FBXO34: variants seen among roughly 807,000 people sequenced by gnomAD.
The protein encoded by FBXO34 is F-box protein 34.
Under a neutral mutation model 24.5 loss-of-function variants are expected in FBXO34, and 12 were observed. The observed-to-expected ratio is 0.49, with a 90% CI of 0.31 to 0.79. FBXO34 has a LOEUF of 0.79. FBXO34 is among the 30% of genes least tolerant of loss of function. The pLI, the probability that FBXO34 is intolerant of heterozygous loss-of-function variation, is 0.04. For missense variants in FBXO34, 823 were observed against 857.7 expected (o/e 0.96, Z 0.51); for synonymous variants, 320 against 311.9 (o/e 1.03, Z -0.27).
chr14:55,362,432 G>A (rs1884605169), downstream of FBXO34, among the ~76,000 whole-genome samples: 1 of 152,154 alleles, frequency 6.6e-6, no homozygotes, highest in Non-Finnish European at 1.5e-5. Flanking sequence ...TGGAAAAATG[G>A]CGCTGATGAC....
chr14:55,296,775 A>G (rs1000445991), intron 1 of FBXO34, among the ~76,000 whole-genome samples: 2 of 152,144 alleles, frequency 1.3e-5, no homozygotes, highest in Non-Finnish European at 2.9e-5. Flanking sequence ...TCCCCTACCT[A>G]CTATAGAAAG....
rs558348798 is a variant in FBXO34, at chr14:55,293,613, T to A, written c.-11+22076T>A. ...TGTAAATCTCTGCTTTTTTTTTTTT[T>A]AAATCAATGAAGGCTTAATAAGCCA... On this transcript the variant is annotated intron_variant, in intron 1 of 1. Coordinates refer to ENST00000313833, the MANE Select transcript of FBXO34 (RefSeq NM_017943.4). 2.3e-3 allele frequency among the ~76,000 whole-genome samples: 356 copies of A among 152,104 alleles called. 1 individual carries two copies. The highest frequency in any genetic ancestry group is 3.9e-3 in the Non-Finnish European group (263 of 67,998).
At chr14:55,324,621 T>G (rs542397363) in intron 1 of FBXO34, among the ~76,000 whole-genome samples, 1 of 152,180 alleles carries the variant, frequency 6.6e-6, no homozygotes, top group Admixed American at 6.5e-5. Flanking sequence ...GATTTTTTTT[T>G]CTCAGTAATA....
At chr14:55,369,352 A>C (rs1466711862), downstream of FBXO34, 1 of 278,668 alleles carries the variant, frequency 3.6e-6, no homozygotes, top group African/African-American at 2.2e-5. Flanking sequence ...AACTGGCCAC[A>C]CGCACAGGTC....
the FBXO34 span, among the ~76,000 whole-genome samples, chr14:55,400,408 C>T: frequency 6.6e-6 from 1 of 152,120 alleles, no homozygotes; most frequent in Non-Finnish European, 1.5e-5. Flanking sequence ...TCTCTTTTTC[C>T]ATGCCAGAAC....
At chr14:55,304,200 T>G (rs1882460664) in intron 1 of FBXO34, among the ~76,000 whole-genome samples, 1 of 152,218 alleles carries the variant, frequency 6.6e-6, no homozygotes, top group African/African-American at 2.4e-5. Context: ...ATTTCTATCA[T>G]TAAAAACAGT....
chr14:55,372,799 C>T (rs1247570050), downstream of FBXO34, among the ~76,000 whole-genome samples: 1 of 152,052 alleles, frequency 6.6e-6, no homozygotes, highest in Non-Finnish European at 1.5e-5. Context: ...TTAGTTTTCC[C>T]AGGAGACAGG....
intron 1 of FBXO34, among the ~76,000 whole-genome samples, chr14:55,305,792 C>T (rs1172410377): frequency 6.6e-6 from 1 of 152,132 alleles, no homozygotes; most frequent in East Asian, 1.9e-4. Flanking sequence ...TTTTCCCGAT[C>T]TGAATTTTAT....
At chr14:55,440,648 C>G in the FBXO34 span, 1 of 1,314,122 alleles carries the variant, frequency 7.6e-7, no homozygotes, top group Non-Finnish European at 1.0e-6. Context: ...GATGCGGAAC[C>G]CAGCTACCGG....
chr14:55,435,787 A>T, the FBXO34 span: 10 of 1,246,108 alleles, frequency 8.0e-6, no homozygotes, highest in East Asian at 2.6e-4. Flanking sequence ...TCATGATCAT[A>T]TTAAGAAAAG....
At chr14:55,339,825 C>G (rs1382452257) in intron 1 of FBXO34, among the ~76,000 whole-genome samples, 2 of 152,118 alleles carry the variant, frequency 1.3e-5, no homozygotes, top group Non-Finnish European at 2.9e-5. Flanking sequence ...ATACCTTAAC[C>G]AGCCAGTGCA....
chr14:55,414,564 T>G, the FBXO34 span: 1 of 735,592 alleles, frequency 1.4e-6, no homozygotes, highest in Non-Finnish European at 2.1e-6. Context: ...ATGACATCTC[T>G]TTAGCTGTAC....
intron 1 of FBXO34, among the ~76,000 whole-genome samples, chr14:55,335,593 A>G (rs1053624121): frequency 6.6e-6 from 1 of 151,900 alleles, no homozygotes; most frequent in African/African-American, 2.4e-5. Flanking sequence ...TGACTATTTG[A>G]CTGTTTGTTA....
At chr14:55,297,699 G>T (rs1211240268) in intron 1 of FBXO34, among the ~76,000 whole-genome samples, 2 of 152,130 alleles carry the variant, frequency 1.3e-5, no homozygotes, top group African/African-American at 4.8e-5. Context: ...GTATATCTAT[G>T]TGTATGTGCA....
intron 1 of FBXO34, among the ~76,000 whole-genome samples, chr14:55,294,909 A>G (rs572717308): frequency 3.9e-5 from 6 of 152,356 alleles, no homozygotes; most frequent in African/African-American, 1.2e-4. Context: ...TGCATTTAAT[A>G]TATTTAACCT....
downstream of FBXO34, chr14:55,366,916 A>G (rs1167643050): frequency 6.5e-6 from 1 of 152,688 alleles, no homozygotes; most frequent in Admixed American, 6.5e-5. Flanking sequence ...GAGTATTTAC[A>G]GGGTGGATCC....
chr14:55,344,716 C>A (rs1884102596), intron 1 of FBXO34, among the ~76,000 whole-genome samples: 1 of 151,302 alleles, frequency 6.6e-6, no homozygotes, highest in African/African-American at 2.4e-5. Context: ...CTCCCCTTGT[C>A]CTCCACCCCC....
chr14:55,286,511 T>G (rs1344613232), intron 1 of FBXO34, among the ~76,000 whole-genome samples: 1 of 152,214 alleles, frequency 6.6e-6, no homozygotes, highest in Non-Finnish European at 1.5e-5. Context: ...TGTGCCTACT[T>G]TCAGTCTTCT....
At chr14:55,329,372 C>A (rs1221228668) in intron 1 of FBXO34, among the ~76,000 whole-genome samples, 1 of 152,068 alleles carries the variant, frequency 6.6e-6, no homozygotes, top group African/African-American at 2.4e-5. Flanking sequence ...TGCAGTAAAT[C>A]ATCTAGAAAG....
Sources: gnomAD v4.1 joint callset for allele counts (sites outside exome capture counted in the v4.1 genomes callset) on GRCh38, gnomAD v4.1.1 for gene constraint, MANE v1.5 for transcripts, NCBI Gene and HGNC (gene_info 2026-07-23, HGNC 2026-07-21) for gene names.